Variants in PARD3 observed in about 807,000 individuals in gnomAD.
PARD3 encodes par-3 family cell polarity regulator, also known as partitioning defective 3 homolog.
Under a neutral mutation model 155.4 loss-of-function variants are expected in PARD3, and 75 were observed. The ratio of observed to expected loss-of-function variants is 0.48; its 90% CI spans 0.40 to 0.58. The LOEUF is 0.58. Ranked by LOEUF, PARD3 falls within the 20% of genes least tolerant of loss-of-function variation. The probability of loss-of-function intolerance (pLI) is 0.00; values close to 1 mark genes in which losing one functional copy is unlikely to be tolerated. For synonymous variants in PARD3, 576 were observed against 610.5 expected (o/e 0.94, Z 0.83); for missense variants, 1,642 against 1,721.7 (o/e 0.95, Z 0.82).
In PARD3 at chr10:34,635,168, G is replaced by A. The variant is rs1445741216; in HGVS notation, c.222+61150C>T. Among the ~76,000 whole-genome samples, 5 of 152,258 alleles carry A rather than the reference G, an allele frequency of 3.3e-5. No homozygotes were observed. In the East Asian group the frequency reaches 9.6e-4, roughly 29 times the overall value. On this transcript the variant is annotated intron_variant, in intron 2 of 24. Coordinates refer to ENST00000374788, the MANE Select transcript of PARD3 (RefSeq NM_001184785.2). ...GAGAACTGGAGAAATGCAGCGACGTGTTCAAGCTCCATGGATGAATTCAAG... is the reference window on the plus strand; with the variant it reads ...GAGAACTGGAGAAATGCAGCGACGTATTCAAGCTCCATGGATGAATTCAAG...
chr10:34,468,033 C>A (rs1175454488), intron 4 of PARD3, among the ~76,000 whole-genome samples: 2 of 152,244 alleles, frequency 1.3e-5, no homozygotes, highest in African/African-American at 4.8e-5. Flanking sequence ...TCCAGCTTCA[C>A]AAGTGACAGA....
intron 24 of PARD3, among the ~76,000 whole-genome samples, chr10:34,118,471 T>C (rs1394523630): frequency 6.6e-6 from 1 of 152,132 alleles, no homozygotes; most frequent in African/African-American, 2.4e-5. Context: ...CAGCCTCCCA[T>C]GGAGCTGGGA....
chr10:34,804,034 T>G (rs1436429961), intron 1 of PARD3, among the ~76,000 whole-genome samples: 1 of 128,624 alleles, frequency 7.8e-6, no homozygotes, highest in African/African-American at 3.8e-5. Context: ...GATTTGTTTT[T>G]GTTTTTTTTT....
chr10:34,599,640 A>C (rs2089596963), intron 2 of PARD3, among the ~76,000 whole-genome samples: 1 of 152,222 alleles, frequency 6.6e-6, no homozygotes, highest in Admixed American at 6.5e-5. Context: ...AAAAATAGCC[A>C]ACAACTGAAG....
At chr10:34,687,142 T>C (rs1474671396) in intron 2 of PARD3, among the ~76,000 whole-genome samples, 3 of 152,196 alleles carry the variant, frequency 2.0e-5, no homozygotes, top group Non-Finnish European at 4.4e-5. Context: ...AATTCTGCCA[T>C]ACTTGTATTT....
At chr10:34,749,953 C>G (rs11009917) in intron 1 of PARD3, among the ~76,000 whole-genome samples, 1 of 151,414 alleles carries the variant, frequency 6.6e-6, no homozygotes, top group Non-Finnish European at 1.5e-5. Flanking sequence ...GCCCAATAGG[C>G]GAAGGCTGCA....
At chr10:34,492,529 T>C (rs964640393) in intron 3 of PARD3, among the ~76,000 whole-genome samples, 1 of 152,222 alleles carries the variant, frequency 6.6e-6, no homozygotes, top group Non-Finnish European at 1.5e-5. Flanking sequence ...ATAAATACTA[T>C]ATTCTAAAGC....
chr10:34,119,578 G>A (rs775433396), intron 24 of PARD3, 35 bp downstream of exon 24: 11 of 1,572,392 alleles, frequency 7.0e-6, no homozygotes, highest in Non-Finnish European at 9.6e-6. Context: ...TAAAGGGCCG[G>A]GGGGATCTGG....
At chr10:34,490,173 A>G (rs2079797190) in intron 3 of PARD3, among the ~76,000 whole-genome samples, 1 of 152,252 alleles carries the variant, frequency 6.6e-6, no homozygotes, top group Non-Finnish European at 1.5e-5. Context: ...CAGAGCTGGA[A>G]GAAAAGACAC....
chr10:34,125,484 A>C (rs1175760549), intron 23 of PARD3, among the ~76,000 whole-genome samples: 1 of 152,254 alleles, frequency 6.6e-6, no homozygotes, highest in African/African-American at 2.4e-5. Flanking sequence ...CGCTAGGAGA[A>C]AATGAGAGCA....
chr10:34,116,237 A>G lies in PARD3; in HGVS notation c.3668+3376T>C, dbSNP rs182000940. ...TTACAAACCACTCTTTCTCATATACATGCCTCTAATTCAAACCACCTTATC... is the reference window on the plus strand; with the variant it reads ...TTACAAACCACTCTTTCTCATATACGTGCCTCTAATTCAAACCACCTTATC... On this transcript the variant is annotated intron_variant, in intron 24 of 24. Coordinates refer to ENST00000374788, the MANE Select transcript of PARD3 (RefSeq NM_001184785.2). 1.1e-4 allele frequency among the ~76,000 whole-genome samples: 17 copies of G among 152,268 alleles called. No homozygotes were observed. In the East Asian group the frequency reaches 2.3e-3, roughly 21 times the overall value.
intron 19 of PARD3, among the ~76,000 whole-genome samples, chr10:34,327,832 C>T (rs1197221702): frequency 6.6e-6 from 1 of 152,078 alleles, no homozygotes; most frequent in Non-Finnish European, 1.5e-5. Context: ...GTTGGACCAT[C>T]GGGACAAGAA....
rs1564626885 is a variant in PARD3 at position 34,360,051 on chromosome 10, A to AAAATTTTGTTTATTTTTGT, written c.1896+19_1896+20insACAAAAATAAACAAAATTT. On this transcript the variant is annotated intron_variant, in intron 13 of 24. Transcript: ENST00000374788. Reference sequence around the variant, plus strand: ...AAAATTTTTGTTAATAGGCATACGCATGATAAAGTTGACACTCACTTTAGA... The same window carrying AAAATTTTGTTTATTTTTGT: ...AAAATTTTTGTTAATAGGCATACGCAAAATTTTGTTTATTTTTGTTGATAAAGTTGACACTCACTTTAGA... 3 of 1,595,160 alleles carry AAAATTTTGTTTATTTTTGT rather than the reference A, an allele frequency of 1.9e-6. No homozygotes were observed. The East Asian group carries it at 6.7e-5, about 36-fold the overall frequency.
Position 34,353,713 on chromosome 10 carries a change from A to G in PARD3, c.2067+5434T>C, listed in dbSNP as rs1020569263. Among the ~76,000 whole-genome samples, 3 of 103,136 alleles carry G rather than the reference A, an allele frequency of 2.9e-5. No homozygotes were observed. The South Asian group carries it at 9.0e-4, about 31-fold the overall frequency. 67.7% of individuals were successfully genotyped at this position (103,136 alleles called of 152,430 possible). A position where few individuals can be genotyped will look rare whatever the true frequency, so the allele number is the denominator to read the frequency against. ...CGAGAAACACCCAAGAATGATCAAT[A>G]AATAAATAAATAAAAAAATAAATAA... On this transcript the variant is annotated intron_variant, in intron 14 of 24. Transcript: ENST00000374788.
chr10:34,308,103 CG>C (rs1957505767), intron 20 of PARD3, among the ~76,000 whole-genome samples: 2 of 150,164 alleles, frequency 1.3e-5, no homozygotes, highest in African/African-American at 5.1e-5. Flanking sequence ...CTAGTGGACC[CG>C]GTAGGTTCAG....
chr10:34,594,449 C>T (rs1378957076), intron 2 of PARD3, among the ~76,000 whole-genome samples: 3 of 152,146 alleles, frequency 2.0e-5, no homozygotes, highest in Admixed American at 2.0e-4. Context: ...TACCAGTATA[C>T]ATATCCATGA....
intron 2 of PARD3, among the ~76,000 whole-genome samples, chr10:34,613,538 A>G (rs1006081925): frequency 3.9e-5 from 6 of 152,218 alleles, no homozygotes; most frequent in African/African-American, 1.2e-4. Flanking sequence ...TGAAATGCAC[A>G]TGGTCCAGCT....
intron 22 of PARD3, among the ~76,000 whole-genome samples, chr10:34,153,318 C>T (rs1948862542): frequency 6.6e-6 from 1 of 152,112 alleles, no homozygotes; most frequent in Non-Finnish European, 1.5e-5. Context: ...GTCCAGGAGC[C>T]ATTTTAATCT....
intron 5 of PARD3, among the ~76,000 whole-genome samples, chr10:34,420,126 A>T (rs900346036): frequency 1.3e-5 from 2 of 152,168 alleles, no homozygotes; most frequent in Admixed American, 1.3e-4. Context: ...TGATATTTTT[A>T]AAATTTTTGC....
Sources: allele counts gnomAD v4.1 joint callset (sites outside exome capture counted in the v4.1 genomes callset), GRCh38; gene constraint gnomAD v4.1.1; transcripts MANE v1.5; gene names NCBI Gene and HGNC (gene_info 2026-07-23, HGNC 2026-07-21).